The following ADGRV1 variants were observed in gnomAD, a reference collection of about 807,000 sequenced individuals.
The protein encoded by ADGRV1 is adhesion G protein-coupled receptor V1, also known as G-protein coupled receptor 98.
A neutral mutation model predicts 596.2 loss-of-function variants in ADGRV1; 359 were observed. The observed-to-expected ratio is 0.60, with a 90% CI of 0.55 to 0.66. ADGRV1 has a LOEUF of 0.66. ADGRV1 is among the 30% of genes least tolerant of loss of function. The probability of loss-of-function intolerance (pLI) is 0.00; values close to 1 mark genes in which losing one functional copy is unlikely to be tolerated. For synonymous variants in ADGRV1, 2,681 were observed against 2,679.2 expected, an observed-to-expected ratio of 1.00 and a Z score of -0.02; for missense variants, 7,274 against 7,575.6, an observed-to-expected ratio of 0.96 and a Z score of 1.48.
At chr5:91,059,830 T>G (rs1043717397) in intron 85 of ADGRV1, among the ~76,000 whole-genome samples, 1 of 152,240 alleles carries the variant, frequency 6.6e-6, no homozygotes, top group African/African-American at 2.4e-5. Flanking sequence ...TATTGGCCTT[T>G]TACATTTCTT....
chr5:91,140,265 T>C (rs1794985226), intron 87 of ADGRV1, among the ~76,000 whole-genome samples: 1 of 152,132 alleles, frequency 6.6e-6, no homozygotes, highest in Non-Finnish European at 1.5e-5. Context: ...TGGAATGGGG[T>C]CATCAAATTT....
intron 86 of ADGRV1, among the ~76,000 whole-genome samples, chr5:91,094,476 A>C (rs1478953023): frequency 1.3e-5 from 2 of 151,714 alleles, no homozygotes; most frequent in Non-Finnish European, 2.9e-5. Context: ...AAAAAAAAAA[A>C]AGATGTTTCT....
intron 21 of ADGRV1, among the ~76,000 whole-genome samples, chr5:90,671,157 TC>T (rs1237382020): frequency 6.6e-6 from 1 of 152,200 alleles, no homozygotes; most frequent in African/African-American, 2.4e-5. Context: ...GTGTGTGCAT[TC>T]AATGGCTGGT....
chr5:91,048,199 C>T (rs925008364), intron 85 of ADGRV1, among the ~76,000 whole-genome samples: 2 of 152,198 alleles, frequency 1.3e-5, no homozygotes, highest in Non-Finnish European at 2.9e-5. Flanking sequence ...AAGTTGGCTG[C>T]CATCCTCTGG....
intron 70 of ADGRV1, among the ~76,000 whole-genome samples, chr5:90,796,492 T>G (rs1310430495): frequency 1.3e-5 from 2 of 151,922 alleles, no homozygotes; most frequent in African/African-American, 2.4e-5. Context: ...AAAGACTACG[T>G]TTGATTGGTG....
intron 39 of ADGRV1, among the ~76,000 whole-genome samples, chr5:90,709,846 A>T (rs1413339943): frequency 6.6e-6 from 1 of 152,214 alleles, no homozygotes; most frequent in African/African-American, 2.4e-5. Context: ...TCATCCTCTT[A>T]CTGAGATAAT....
At chr5:90,806,307 C>T (rs1488116707) in intron 72 of ADGRV1, among the ~76,000 whole-genome samples, 2 of 152,174 alleles carry the variant, frequency 1.3e-5, no homozygotes, top group African/African-American at 2.4e-5. Flanking sequence ...TTGAGAGACA[C>T]CATAGTGTGA....
intron 85 of ADGRV1, among the ~76,000 whole-genome samples, chr5:91,041,636 T>TA (rs879488795): frequency 0.012 from 1,766 of 142,638 alleles, 35 homozygotes; most frequent in African/African-American, 0.042. Context: ...AAAGTATAAT[T>TA]AAAAAAAAAA....
chr5:90,569,377 ATATATATATATTTTTTTTTTTTTTTT>A (rs1255202454), intron 1 of ADGRV1, among the ~76,000 whole-genome samples: 4 of 21,704 alleles, frequency 1.8e-4, no homozygotes, highest in African/African-American at 1.0e-3. Flanking sequence ...ATATATATAT[ATATATATATATTTTTTTTTTTTTTTT>A]TTTTTTTTTT....
chr5:90,776,598 T>C, intron 61 of ADGRV1, 22 bp downstream of exon 61: 1 of 1,612,430 alleles, frequency 6.2e-7, no homozygotes, highest in African/African-American at 1.3e-5. Context: ...ATGATTTTTC[T>C]TTGCCTATAT....
chr5:90,579,339 A>T (rs966233541), intron 1 of ADGRV1, among the ~76,000 whole-genome samples: 1 of 152,132 alleles, frequency 6.6e-6, no homozygotes, highest in Admixed American at 6.5e-5. Flanking sequence ...GAACATCTTT[A>T]TTTCTGCCTT....
At chr5:90,944,409 G>A (rs1173785309) in intron 83 of ADGRV1, among the ~76,000 whole-genome samples, 1 of 151,928 alleles carries the variant, frequency 6.6e-6, no homozygotes, top group Non-Finnish European at 1.5e-5. Context: ...AAGAAAAAGA[G>A]GAAAAAATAA....
chr5:90,922,775 CA>C (rs1774000088), intron 83 of ADGRV1, among the ~76,000 whole-genome samples: 1 of 152,214 alleles, frequency 6.6e-6, no homozygotes, highest in Non-Finnish European at 1.5e-5. Context: ...TTAGCATCTG[CA>C]TTTGTAACTA....
intron 83 of ADGRV1, among the ~76,000 whole-genome samples, chr5:90,887,212 C>T (rs569420481): frequency 3.4e-4 from 52 of 152,216 alleles, no homozygotes; most frequent in Middle Eastern, 6.8e-3. Context: ...CTGAAGCTGT[C>T]GTGCCTTGGA....
At chr5:90,948,663 C>A (rs1776805204) in intron 83 of ADGRV1, among the ~76,000 whole-genome samples, 1 of 152,098 alleles carries the variant, frequency 6.6e-6, no homozygotes, top group Non-Finnish European at 1.5e-5. Flanking sequence ...CCTTACCTGT[C>A]AAACATCATA....
chr5:90,628,279 G>A (rs2149380172), intron 7 of ADGRV1, among the ~76,000 whole-genome samples: 1 of 116,706 alleles, frequency 8.6e-6, no homozygotes, highest in South Asian at 2.7e-4. Flanking sequence ...GAGTGTGGTG[G>A]TGTCCACCTG....
Position 90,558,831 on chromosome 5 carries a change from G to A in ADGRV1, c.-65G>A. On this transcript the variant is annotated 5_prime_UTR_variant, in exon 1 of 90. Transcript: ENST00000405460. ...AATCAGCAGCGCGGGCAAGGAGTAC[G>A]GACGGGAGTCAGAGGCAGAGCGAGG... 2 of 1,515,992 alleles carry A rather than the reference G, an allele frequency of 1.3e-6. No homozygotes were observed. The highest frequency in any genetic ancestry group is 1.8e-6 in the Non-Finnish European group (2 of 1,113,140). 93.9% of individuals were successfully genotyped at this position (1,515,992 alleles called of 1,614,324 possible).
intron 84 of ADGRV1, among the ~76,000 whole-genome samples, chr5:90,978,274 G>A (rs1458492470): frequency 2.0e-5 from 3 of 150,274 alleles, no homozygotes; most frequent in Non-Finnish European, 4.4e-5. Flanking sequence ...CAGACTGGGG[G>A]ACAGAGCGAG....
intron 5 of ADGRV1, 140 bp from the exon 6 acceptor site, chr5:90,624,990 G>A (rs1434406127): frequency 1.7e-6 from 1 of 590,978 alleles, no homozygotes; most frequent in Non-Finnish European, 3.1e-6. Context: ...AATTTGAAGG[G>A]CAGAATGATG....
Sources: allele counts gnomAD v4.1 joint callset (sites outside exome capture counted in the v4.1 genomes callset), GRCh38; gene constraint gnomAD v4.1.1; transcripts MANE v1.5; gene names NCBI Gene and HGNC (gene_info 2026-07-23, HGNC 2026-07-21).